The following COL4A5 variants were observed in gnomAD, a reference collection of about 807,000 sequenced individuals.
COL4A5 encodes collagen type IV alpha 5 chain.
A neutral mutation model predicts 130.2 loss-of-function variants in COL4A5; 26 were observed. The observed-to-expected ratio is 0.20, with a 90% CI of 0.15 to 0.28. COL4A5 has a LOEUF of 0.28. Among genes scored for constraint, COL4A5 ranks in the 10% least tolerant of loss-of-function variants. The pLI is 1.00. For missense variants in COL4A5, 1,131 were observed against 1,344.3 expected, an observed-to-expected ratio of 0.84 and a Z score of 2.48; for synonymous variants, 496 against 439.6, an observed-to-expected ratio of 1.13 and a Z score of -1.60.
intron 36 of COL4A5, among the ~76,000 whole-genome samples, chrX:108,639,266 A>T (rs997015094): frequency 5.4e-5 from 6 of 111,439 alleles, no homozygotes; most frequent in African/African-American, 2.0e-4. Flanking sequence ...ATGATCTTTG[A>T]CAAGGGTGCT....
chrX:108,442,655 G>A (rs2064413959), intron 1 of COL4A5, among the ~76,000 whole-genome samples: 2 of 110,857 alleles, frequency 1.8e-5, no homozygotes, highest in African/African-American at 6.6e-5. Flanking sequence ...TGTGACCAGC[G>A]GCACGAATTT....
At chrX:108,537,414 A>G (rs1351685186) in intron 1 of COL4A5, among the ~76,000 whole-genome samples, 2 of 112,139 alleles carry the variant, frequency 1.8e-5, no homozygotes, top group Non-Finnish European at 3.8e-5. Context: ...TTAATAAAAA[A>G]TTGCAAAAAA....
chrX:108,529,734 A>G (rs755991499), intron 1 of COL4A5, among the ~76,000 whole-genome samples: 11 of 111,261 alleles, frequency 9.9e-5, no homozygotes, highest in African/African-American at 3.6e-4. Context: ...CAAATGGGAA[A>G]TAGTAGTAAG....
intron 1 of COL4A5, among the ~76,000 whole-genome samples, chrX:108,468,124 T>C (rs1374831351): frequency 8.9e-6 from 1 of 112,024 alleles, no homozygotes; most frequent in Non-Finnish European, 1.9e-5. Context: ...AATAATTTTA[T>C]GCATGAACCA....
chrX:108,622,998 A>C (rs2147866353), intron 33 of COL4A5, among the ~76,000 whole-genome samples, 173 bp downstream of exon 33: 1 of 112,551 alleles, frequency 8.9e-6, no homozygotes. Flanking sequence ...TCACCAGTCA[A>C]CTTTTGTTTG....
At chrX:108,656,680 G>A (rs1444027015) in intron 37 of COL4A5, among the ~76,000 whole-genome samples, 13 of 111,222 alleles carry the variant, frequency 1.2e-4, no homozygotes, top group African/African-American at 1.6e-4. Context: ...GGGCAGTGTC[G>A]GTCTTAATTT....
intron 36 of COL4A5, among the ~76,000 whole-genome samples, chrX:108,638,832 C>A (rs2067403202): frequency 9.0e-6 from 1 of 111,488 alleles, no homozygotes; most frequent in Non-Finnish European, 1.9e-5. Context: ...ACAGTTGCAT[C>A]AAAAAGAATA....
chrX:108,601,061 C>T (rs949392018), intron 25 of COL4A5, among the ~76,000 whole-genome samples: 4 of 111,502 alleles, frequency 3.6e-5, no homozygotes, highest in Admixed American at 2.9e-4. Context: ...CAGTTTCTTT[C>T]GGAAACAGCC....
At chrX:108,661,919 T>C (rs1297762335) in intron 37 of COL4A5, among the ~76,000 whole-genome samples, 1 of 111,056 alleles carries the variant, frequency 9.0e-6, no homozygotes, top group Non-Finnish European at 1.9e-5. Context: ...GTATTTCTTT[T>C]TTTTAAGTTT....
intron 36 of COL4A5, among the ~76,000 whole-genome samples, chrX:108,640,734 G>A (rs187098647): frequency 9.0e-6 from 1 of 111,275 alleles, no homozygotes; most frequent in Non-Finnish European, 1.9e-5. Flanking sequence ...AATTAAAATG[G>A]TAAGATTTAT....
At chrX:108,549,241 C>T (rs886400483) in intron 2 of COL4A5, among the ~76,000 whole-genome samples, 3 of 111,726 alleles carry the variant, frequency 2.7e-5, no homozygotes, top group Non-Finnish European at 5.7e-5. Flanking sequence ...AGTTGTTCCA[C>T]TCTTAACAAC....
At position 108,622,664 on chromosome X, in the gene COL4A5, C is replaced by T. The variant is rs1462012048; in HGVS notation, c.2768-12C>T. The T allele has an allele frequency of 2.5e-6, 3 of 1,208,687 alleles. No homozygotes were observed. The highest frequency in any genetic ancestry group is 2.2e-6 in the Non-Finnish European group (2 of 892,979). On this transcript the variant is annotated splice_polypyrimidine_tract_variant and intron_variant, in intron 32 of 52. Transcript: ENST00000328300. ...AATTGATATATTGTGTTTTCACACACATTGATTTTAGGTGATGATGGCTTG... is the reference window on the plus strand; with the variant it reads ...AATTGATATATTGTGTTTTCACACATATTGATTTTAGGTGATGATGGCTTG...
intron 36 of COL4A5, among the ~76,000 whole-genome samples, chrX:108,640,991 A>G (rs1404353316): frequency 8.9e-6 from 1 of 111,957 alleles, no homozygotes; most frequent in East Asian, 2.8e-4. Context: ...TAACCTCATT[A>G]GTCATTATGA....
At chrX:108,495,696 G>T (rs1436887703) in intron 1 of COL4A5, among the ~76,000 whole-genome samples, 4 of 112,297 alleles carry the variant, frequency 3.6e-5, no homozygotes, top group Non-Finnish European at 7.5e-5. Flanking sequence ...AACCTCAGCA[G>T]AGGAGGATTT....
At chrX:108,535,827 A>C (rs2065449412) in intron 1 of COL4A5, among the ~76,000 whole-genome samples, 1 of 111,083 alleles carries the variant, frequency 9.0e-6, no homozygotes, top group Non-Finnish European at 1.9e-5. Context: ...TGCTTTTAGG[A>C]AGAAGTTTTT....
intron 6 of COL4A5, among the ~76,000 whole-genome samples, chrX:108,570,665 C>T (rs1161137153): frequency 9.0e-6 from 1 of 111,349 alleles, no homozygotes; most frequent in African/African-American, 3.3e-5. Context: ...TCCTTTCTCT[C>T]GGGACCTACT....
chrX:108,592,347 C>T (rs1483108204), intron 21 of COL4A5, among the ~76,000 whole-genome samples: 1 of 111,048 alleles, frequency 9.0e-6, no homozygotes, highest in East Asian at 2.8e-4. Context: ...ATTTTTGCCT[C>T]TCCGACATCA....
chrX:108,638,937 A>C (rs937469120), intron 36 of COL4A5, among the ~76,000 whole-genome samples: 2 of 111,879 alleles, frequency 1.8e-5, no homozygotes, highest in African/African-American at 6.5e-5. Flanking sequence ...GACAGAAATA[A>C]ATGGAAGATT....
At chrX:108,450,774 C>G (rs1232037847) in intron 1 of COL4A5, among the ~76,000 whole-genome samples, 1 of 111,113 alleles carries the variant, frequency 9.0e-6, no homozygotes, top group African/African-American at 3.3e-5. Flanking sequence ...GAAAAGATCC[C>G]TTCAAAGGGC....
Sources: gnomAD v4.1 joint callset for allele counts (sites outside exome capture counted in the v4.1 genomes callset) on GRCh38, gnomAD v4.1.1 for gene constraint, MANE v1.5 for transcripts, NCBI Gene and HGNC (gene_info 2026-07-23, HGNC 2026-07-21) for gene names.